ABCB7: variants seen among roughly 807,000 people sequenced by gnomAD.
The protein encoded by ABCB7 is iron-sulfur clusters transporter ABCB7, mitochondrial.
ABCB7 carries 7 observed loss-of-function variants against 54.4 expected under a neutral mutation model. That is an observed-to-expected ratio of 0.13 (90% CI 0.07 to 0.24). The LOEUF is 0.24. Ranked by LOEUF, ABCB7 falls within the 10% of genes least tolerant of loss-of-function variation. The probability of loss-of-function intolerance (pLI) is 1.00; values close to 1 mark genes in which losing one functional copy is unlikely to be tolerated. For synonymous variants in ABCB7, 218 were observed against 207.1 expected, an observed-to-expected ratio of 1.05 and a Z score of -0.45; for missense variants, 356 against 570.4, an observed-to-expected ratio of 0.62 and a Z score of 3.83.
At chrX:75,122,120 G>A (rs1221581882) in intron 1 of ABCB7, among the ~76,000 whole-genome samples, 1 of 111,828 alleles carries the variant, frequency 8.9e-6, no homozygotes, top group Non-Finnish European at 1.9e-5. Context: ...TAAATTCCCA[G>A]ACAGTTAAGG....
Position 75,144,761 on chromosome X carries a change from T to C in ABCB7, c.168+11344A>G, listed in dbSNP as rs746747829. ...GCTCTTTATTAGGCAGAATCAAATA[T>C]GCAGAATCAAATATGCACAGCAAGA... is the stretch of plus-strand genomic sequence containing the variant. On this transcript the variant is annotated intron_variant, in intron 1 of 15. Coordinates refer to ENST00000373394, the MANE Select transcript of ABCB7 (RefSeq NM_001271696.3). Among the ~76,000 whole-genome samples, 71 of 110,165 alleles carry C rather than the reference T, an allele frequency of 6.4e-4. 1 individual carries two copies. The highest frequency in any genetic ancestry group is 9.4e-3 in the Middle Eastern group (2 of 212).
At chrX:75,143,110 T>C (rs1275601622) in intron 1 of ABCB7, among the ~76,000 whole-genome samples, 1 of 112,338 alleles carries the variant, frequency 8.9e-6, no homozygotes, top group East Asian at 2.8e-4. Flanking sequence ...CAATGGATTA[T>C]GGAAGCACAA....
At chrX:75,118,359 T>A (rs1268169917) in intron 1 of ABCB7, among the ~76,000 whole-genome samples, 2 of 111,008 alleles carry the variant, frequency 1.8e-5, no homozygotes, top group Non-Finnish European at 3.8e-5. Flanking sequence ...GCCAGAAATA[T>A]CAGCCGGCTA....
intron 1 of ABCB7, among the ~76,000 whole-genome samples, chrX:75,124,391 C>A (rs749983821): frequency 8.9e-6 from 1 of 112,118 alleles, no homozygotes; most frequent in East Asian, 2.8e-4. Flanking sequence ...TAAGCAACTT[C>A]TATGAAGTTT....
rs1191196778 is a variant in ABCB7, at chrX:75,071,648, A to G, written c.1068T>C (p.Tyr356=). 1.7e-6 allele frequency: 2 copies of G among 1,198,059 alleles called. No homozygotes were observed. The highest frequency in any genetic ancestry group is 5.9e-5 in the East Asian group (2 of 33,744). The change falls in exon 9 of 16, where the codon TAT becomes TAC. Residue 356 remains tyrosine (Y), a synonymous_variant. Coordinates refer to ENST00000373394, the MANE Select transcript of ABCB7 (RefSeq NM_001271696.3). ...FNNERYEAQR[Y]DGFLKTYETA... is the part of the protein sequence containing the mutation. The stretch of plus-strand genomic sequence containing the variant: ...TCTCATACGTCTTCAAAAATCCATC[A>G]TATCTCTGTGCTTCATATCTTTCAT...
intron 1 of ABCB7, among the ~76,000 whole-genome samples, chrX:75,151,643 G>C (rs775549380): frequency 1.8e-5 from 2 of 111,502 alleles, no homozygotes; most frequent in Non-Finnish European, 3.8e-5. Context: ...ATATAAAAAG[G>C]GCTGGTCCTA....
intron 1 of ABCB7, among the ~76,000 whole-genome samples, chrX:75,139,879 C>T (rs780162984): frequency 9.0e-6 from 1 of 111,125 alleles, no homozygotes; most frequent in South Asian, 3.8e-4. Context: ...GTGAAGATGC[C>T]CTTAGTTTAT....
intron 2 of ABCB7, among the ~76,000 whole-genome samples, chrX:75,114,130 C>T (rs1396224249): frequency 8.9e-6 from 1 of 111,911 alleles, no homozygotes; most frequent in Non-Finnish European, 1.9e-5. Context: ...ATTTCTACAG[C>T]CTCTGCATAA....
At chrX:75,076,407 A>G in intron 5 of ABCB7, 115 bp downstream of exon 5, 2 of 966,085 alleles carry the variant, frequency 2.1e-6, no homozygotes, top group Admixed American at 4.7e-5. Context: ...ACATAAAACA[A>G]CAAACATCCA....
intron 1 of ABCB7, among the ~76,000 whole-genome samples, chrX:75,154,187 G>T (rs1458094026): frequency 1.8e-5 from 2 of 111,154 alleles, no homozygotes; most frequent in Non-Finnish European, 3.8e-5. Flanking sequence ...CTGAGGAAAT[G>T]GTAACTAAAG....
intron 3 of ABCB7, among the ~76,000 whole-genome samples, chrX:75,107,871 G>C (rs2081718553): frequency 9.0e-6 from 1 of 110,715 alleles, no homozygotes; most frequent in African/African-American, 3.3e-5. Context: ...CAGCCACAGA[G>C]GGGTATAGCA....
chrX:75,054,577 GTT>G (rs796793574), intron 15 of ABCB7, among the ~76,000 whole-genome samples: 3 of 99,324 alleles, frequency 3.0e-5, no homozygotes, highest in Admixed American at 1.1e-4. Flanking sequence ...TAACTTCCTT[GTT>G]TTTTTTTTTC....
chrX:75,067,303 A>T (rs2081328155), intron 12 of ABCB7, among the ~76,000 whole-genome samples: 1 of 111,263 alleles, frequency 9.0e-6, no homozygotes, highest in Non-Finnish European at 1.9e-5. Context: ...TCGTTTACTG[A>T]TGATGTATAT....
intron 4 of ABCB7, among the ~76,000 whole-genome samples, chrX:75,095,885 C>A (rs2081586672): frequency 9.0e-6 from 1 of 111,703 alleles, no homozygotes; most frequent in Admixed American, 9.5e-5. Context: ...AGATTTCATA[C>A]CCTGATATTG....
chrX:75,134,056 C>G (rs780610507), intron 1 of ABCB7, among the ~76,000 whole-genome samples: 58 of 112,082 alleles, frequency 5.2e-4, no homozygotes, highest in Admixed American at 5.7e-4. Context: ...CATAAAGAAA[C>G]AAGACCAAAC....
At chrX:75,144,297 G>A (rs1031868276) in intron 1 of ABCB7, among the ~76,000 whole-genome samples, 1 of 112,065 alleles carries the variant, frequency 8.9e-6, no homozygotes, top group Non-Finnish European at 1.9e-5. Flanking sequence ...GAAATATTCT[G>A]TGTGGTGAAA....
At chrX:75,148,376 AC>A (rs200491997) in intron 1 of ABCB7, among the ~76,000 whole-genome samples, 1,345 of 101,229 alleles carry the variant, frequency 0.013, 23 homozygotes, top group African/African-American at 0.044. Flanking sequence ...AGCATCCCAA[AC>A]CCCCCCCCAA....
At chrX:75,100,931 A>G (rs2081634109) in intron 3 of ABCB7, among the ~76,000 whole-genome samples, 1 of 112,042 alleles carries the variant, frequency 8.9e-6, no homozygotes, top group African/African-American at 3.2e-5. Context: ...TAAGTGATAC[A>G]TGTTGGAGAA....
intron 3 of ABCB7, among the ~76,000 whole-genome samples, chrX:75,099,688 C>T (rs2081622376): frequency 9.0e-6 from 1 of 110,767 alleles, no homozygotes; most frequent in Non-Finnish European, 1.9e-5. Flanking sequence ...AATTCTTTTG[C>T]TTTACTTTCA....
Sources: gnomAD v4.1 joint callset for allele counts (sites outside exome capture counted in the v4.1 genomes callset) on GRCh38, gnomAD v4.1.1 for gene constraint, MANE v1.5 for transcripts, NCBI Gene and HGNC (gene_info 2026-07-23, HGNC 2026-07-21) for gene names.